LUZP2: variants seen among roughly 807,000 people sequenced by gnomAD.
The protein encoded by LUZP2 is leucine zipper protein 2.
Under a neutral mutation model 51.6 loss-of-function variants are expected in LUZP2, and 52 were observed. That is an observed-to-expected ratio of 1.01 (90% CI 0.81 to 1.27). LUZP2 has a LOEUF of 1.27. Among genes scored for constraint, LUZP2 ranks in the 50% most tolerant of loss-of-function variants. The pLI is 0.00. For missense variants in LUZP2, 436 were observed against 395.4 expected (o/e 1.10, Z -0.87); for synonymous variants, 154 against 137.3 (o/e 1.12, Z -0.85).
chr11:25,077,314 T>C lies in LUZP2; in HGVS notation c.859-15T>C. 1.3e-6 allele frequency: 2 copies of C among 1,598,678 alleles called. No individual in the cohort carries two copies. The highest frequency in any genetic ancestry group is 1.7e-6 in the Non-Finnish European group (2 of 1,166,680). Reference sequence around the variant, plus strand: ...TTTAACTTCATTGATGTATTTTTAATTGCTACTTTTGTAGGAGGGCAGACC... The same window carrying C: ...TTTAACTTCATTGATGTATTTTTAACTGCTACTTTTGTAGGAGGGCAGACC... On this transcript the variant is annotated splice_polypyrimidine_tract_variant and intron_variant, in intron 10 of 11. Transcript: ENST00000336930.
chr11:24,989,675 A>G (rs77763821), intron 9 of LUZP2, among the ~76,000 whole-genome samples: 1 of 152,046 alleles, frequency 6.6e-6, no homozygotes, highest in Non-Finnish European at 1.5e-5. Flanking sequence ...GAATTATATG[A>G]ACAACTGGGA....
intron 1 of LUZP2, among the ~76,000 whole-genome samples, chr11:24,591,521 T>C (rs1416373699): frequency 6.6e-6 from 1 of 152,200 alleles, no homozygotes; most frequent in Non-Finnish European, 1.5e-5. Flanking sequence ...AAATATGTTG[T>C]GGTAGCAGAA....
At chr11:24,811,884 C>T (rs774209894) in intron 5 of LUZP2, among the ~76,000 whole-genome samples, 61 of 151,926 alleles carry the variant, frequency 4.0e-4, no homozygotes, top group Non-Finnish European at 6.2e-4. Context: ...CAAAGGTCAG[C>T]GAATGGGGCC....
At chr11:24,993,342 T>C (rs1304866614) in intron 9 of LUZP2, among the ~76,000 whole-genome samples, 1 of 152,170 alleles carries the variant, frequency 6.6e-6, no homozygotes, top group Admixed American at 6.6e-5. Flanking sequence ...AATGTCATAA[T>C]GTAAAAGCAG....
At chr11:24,620,429 G>T (rs566177486) in intron 1 of LUZP2, among the ~76,000 whole-genome samples, 4 of 152,176 alleles carry the variant, frequency 2.6e-5, no homozygotes, top group Admixed American at 6.5e-5. Flanking sequence ...TAAAGAAGAG[G>T]CAATTGTCAT....
chr11:24,596,856 T>C (rs1853460723), intron 1 of LUZP2, among the ~76,000 whole-genome samples: 1 of 152,198 alleles, frequency 6.6e-6, no homozygotes, highest in Admixed American at 6.5e-5. Context: ...TACGATATGC[T>C]GCAAAAATTT....
chr11:24,688,983 G>T (rs1472043706), intron 1 of LUZP2, among the ~76,000 whole-genome samples: 1 of 152,126 alleles, frequency 6.6e-6, no homozygotes, highest in Non-Finnish European at 1.5e-5. Flanking sequence ...ATCTGTACGA[G>T]TCTGTAGCAA....
intron 5 of LUZP2, among the ~76,000 whole-genome samples, chr11:24,765,240 T>G (rs1230261356): frequency 6.6e-6 from 1 of 152,210 alleles, no homozygotes; most frequent in East Asian, 1.9e-4. Flanking sequence ...ACAGTGAAGT[T>G]ATATGGGCAC....
intron 5 of LUZP2, among the ~76,000 whole-genome samples, chr11:24,790,225 A>G (rs1159147275): frequency 6.6e-6 from 1 of 152,104 alleles, no homozygotes; most frequent in African/African-American, 2.4e-5. Flanking sequence ...AAATGCTTTG[A>G]AATACAGTAT....
chr11:24,796,808 G>A (rs1372936756), intron 5 of LUZP2, among the ~76,000 whole-genome samples: 1 of 152,078 alleles, frequency 6.6e-6, no homozygotes, highest in Non-Finnish European at 1.5e-5. Flanking sequence ...AACAAATCTA[G>A]CAAAGCTTAG....
intron 9 of LUZP2, among the ~76,000 whole-genome samples, chr11:25,040,097 C>T (rs945746294): frequency 6.6e-6 from 1 of 151,872 alleles, no homozygotes; most frequent in Non-Finnish European, 1.5e-5. Context: ...TTCTAGAAGA[C>T]CAAAATTAGT....
intron 9 of LUZP2, among the ~76,000 whole-genome samples, chr11:24,998,909 A>G (rs973908245): frequency 1.3e-5 from 2 of 152,136 alleles, no homozygotes; most frequent in Non-Finnish European, 2.9e-5. Flanking sequence ...TTTTAAAACT[A>G]TTTTAAAATA....
chr11:24,814,079 A>C (rs936215802), intron 5 of LUZP2, among the ~76,000 whole-genome samples: 4 of 152,234 alleles, frequency 2.6e-5, no homozygotes, highest in African/African-American at 9.6e-5. Context: ...GCCCATTTCC[A>C]ATTCAACATT....
chr11:24,533,539 A>G (rs2133829067), intron 1 of LUZP2, among the ~76,000 whole-genome samples: 1 of 151,414 alleles, frequency 6.6e-6, no homozygotes, highest in South Asian at 2.1e-4. Flanking sequence ...CTTCTGACGT[A>G]CTTTCAAAAG....
chr11:25,060,062 T>G (rs886549119), intron 10 of LUZP2, among the ~76,000 whole-genome samples: 4 of 152,162 alleles, frequency 2.6e-5, no homozygotes, highest in African/African-American at 7.2e-5. Flanking sequence ...TGGGTATTAT[T>G]TTGTCTAGCT....
At chr11:24,838,586 A>T (rs959997857) in intron 5 of LUZP2, among the ~76,000 whole-genome samples, 1 of 151,706 alleles carries the variant, frequency 6.6e-6, no homozygotes, top group African/African-American at 2.4e-5. Flanking sequence ...TTAGGGAACA[A>T]GCTAAGAGCA....
Position 24,540,573 on chromosome 11 carries a change from T to A in LUZP2, c.62+43268T>A, listed in dbSNP as rs533863083. 2.2e-4 allele frequency among the ~76,000 whole-genome samples: 34 copies of A among 152,254 alleles called. 1 individual carries two copies. In the South Asian group the frequency reaches 6.8e-3, roughly 31 times the overall value. On this transcript the variant is annotated intron_variant, in intron 1 of 11. Transcript: ENST00000336930. ...CTGGACCACCCAGCATCCAGAAGTG[T>A]GAGAAAATAAATTTCTGTTGTTTGA...
Position 24,611,561 on chromosome 11 carries a change from T to G in LUZP2, c.62+114256T>G, listed in dbSNP as rs1203259321. ...GAGTTTGGCAATTATGGAACTAGGGTGGAAAGGGAGGCAGTTACTGGAAAG... is the reference window on the plus strand; with the variant it reads ...GAGTTTGGCAATTATGGAACTAGGGGGGAAAGGGAGGCAGTTACTGGAAAG... On this transcript the variant is annotated intron_variant, in intron 1 of 11. Transcript: ENST00000336930. This position sits in a 1 kb window ranked among gnomAD's most constrained non-coding sequence, Gnocchi z 4.6. 6.6e-6 allele frequency among the ~76,000 whole-genome samples: 1 copy of G among 151,880 alleles called. No individual in the cohort carries two copies. Among genetic ancestry groups the G allele is most frequent in the African/African-American group, 2.4e-5 (1 of 41,360 alleles).
intron 1 of LUZP2, among the ~76,000 whole-genome samples, chr11:24,642,541 G>C (rs968252542): frequency 6.6e-6 from 1 of 151,850 alleles, no homozygotes; most frequent in East Asian, 1.9e-4. Context: ...ACCATCATGG[G>C]AAGTGGGGAA....
Sources: allele counts gnomAD v4.1 joint callset (sites outside exome capture counted in the v4.1 genomes callset), GRCh38; gene constraint gnomAD v4.1.1; non-coding constraint Gnocchi (gnomAD v3.1); transcripts MANE v1.5; gene names NCBI Gene and HGNC (gene_info 2026-07-23, HGNC 2026-07-21).